The following LRRC74A variants were observed in gnomAD, a reference collection of about 807,000 sequenced individuals.
LRRC74A encodes leucine rich repeat containing 74A.
LRRC74A carries 44 observed loss-of-function variants against 57.9 expected under a neutral mutation model. The observed-to-expected ratio is 0.76, with a 90% CI of 0.60 to 0.98. The LOEUF is 0.98. Among genes scored for constraint, LRRC74A ranks in the 50% least tolerant of loss-of-function variants. The pLI is 0.00. For synonymous variants in LRRC74A, 211 were observed against 219.4 expected (o/e 0.96, Z 0.34); for missense variants, 572 against 574.0 (o/e 1.00, Z 0.04).
intron 11 of LRRC74A, among the ~76,000 whole-genome samples, chr14:76,864,379 C>A (rs529555323): frequency 1.8e-5 from 2 of 109,710 alleles, no homozygotes; most frequent in Admixed American, 1.3e-4. Flanking sequence ...TACAGTAGGA[C>A]GCTGTCTGGG....
intron 8 of LRRC74A, 128 bp downstream of exon 8, chr14:76,852,578 T>G (rs1352513582): frequency 1.7e-6 from 1 of 590,282 alleles, no homozygotes; most frequent in Non-Finnish European, 2.8e-6. Context: ...CATCAAATAC[T>G]TTTCAAGTTA....
At chr14:76,854,551 A>T (rs1897749509) in intron 9 of LRRC74A, among the ~76,000 whole-genome samples, 1 of 152,152 alleles carries the variant, frequency 6.6e-6, no homozygotes, top group Non-Finnish European at 1.5e-5. Context: ...GGTTGCAGTG[A>T]GCCGAGACCA....
chr14:76,843,622 T>C (rs1228971056), intron 5 of LRRC74A, among the ~76,000 whole-genome samples: 1 of 152,178 alleles, frequency 6.6e-6, no homozygotes, highest in East Asian at 1.9e-4. Flanking sequence ...GGGTAAACAG[T>C]TGCCTTGTTC....
intron 7 of LRRC74A, among the ~76,000 whole-genome samples, chr14:76,849,148 C>T (rs1016717993): frequency 6.6e-6 from 1 of 152,058 alleles, no homozygotes; most frequent in East Asian, 1.9e-4. Flanking sequence ...ACAGACTGTG[C>T]TCTCTCTTTT....
At chr14:76,856,504 CTGGA>C (rs35536797) in intron 9 of LRRC74A, among the ~76,000 whole-genome samples, 65,669 of 145,336 alleles carry the variant, frequency 0.45, 15,039 homozygotes, top group Non-Finnish European at 0.49. Flanking sequence ...TTAATATGTG[CTGGA>C]TGGATGGATG....
At chr14:76,839,825 G>A (rs1896626712) in intron 5 of LRRC74A, among the ~76,000 whole-genome samples, 1 of 152,104 alleles carries the variant, frequency 6.6e-6, no homozygotes, top group East Asian at 1.9e-4. Flanking sequence ...CCGCCTCCCA[G>A]GTTCAAGCAA....
chr14:76,841,209 T>C (rs1896744581), intron 5 of LRRC74A, among the ~76,000 whole-genome samples: 1 of 152,064 alleles, frequency 6.6e-6, no homozygotes, highest in Non-Finnish European at 1.5e-5. Flanking sequence ...GCCCAGCTAA[T>C]TTTTGTATTT....
intron 4 of LRRC74A, among the ~76,000 whole-genome samples, chr14:76,836,782 A>C (rs1595351605): frequency 4.2e-5 from 4 of 94,234 alleles, no homozygotes; most frequent in Admixed American, 3.9e-4. Context: ...CAAGAATGAG[A>C]CTCCATCTCA....
intron 9 of LRRC74A, 46 bp from the exon 10 acceptor site, chr14:76,857,334 T>C: frequency 7.8e-7 from 1 of 1,274,336 alleles, no homozygotes; most frequent in Non-Finnish European, 1.1e-6. Context: ...TGGGCCAGCC[T>C]CTCCTCCCAT....
chr14:76,868,788 G>C (rs534656941), intron 13 of LRRC74A, among the ~76,000 whole-genome samples: 1 of 152,218 alleles, frequency 6.6e-6, no homozygotes, highest in East Asian at 1.9e-4. Context: ...GAGAAACCGC[G>C]ATGCAGACAA....
chr14:76,829,207 T>C (rs760363712), intron 2 of LRRC74A: 48 of 1,288,266 alleles, frequency 3.7e-5, no homozygotes, highest in Non-Finnish European at 4.9e-5. Flanking sequence ...CAGTCACCCT[T>C]CCTCCCCTGC....
At chr14:76,846,029 C>G (rs191030730) in intron 7 of LRRC74A, among the ~76,000 whole-genome samples, 1 of 152,232 alleles carries the variant, frequency 6.6e-6, no homozygotes, top group East Asian at 1.9e-4. Flanking sequence ...AAAACAAAAA[C>G]AAAGACAGGC....
intron 7 of LRRC74A, among the ~76,000 whole-genome samples, chr14:76,851,105 T>G (rs1212318228): frequency 6.6e-6 from 1 of 152,242 alleles, no homozygotes; most frequent in African/African-American, 2.4e-5. Context: ...AACAAAAGTA[T>G]GATTTCTGTG....
chr14:76,828,440 G>A (rs762054237), intron 2 of LRRC74A, 21 bp downstream of exon 2: 1 of 1,613,696 alleles, frequency 6.2e-7, no homozygotes, highest in Non-Finnish European at 8.5e-7. Context: ...GCATTTGGGG[G>A]CAGTCAGGGC....
chr14:76,828,650 T>A (rs1340774119), intron 2 of LRRC74A: 2 of 668,362 alleles, frequency 3.0e-6, no homozygotes, highest in Non-Finnish European at 5.4e-6. Flanking sequence ...AGCAGTGCCC[T>A]CACGTCGTCT....
At chr14:76,833,268 A>G (rs1896092308) in intron 3 of LRRC74A, among the ~76,000 whole-genome samples, 2 of 152,114 alleles carry the variant, frequency 1.3e-5, no homozygotes, top group Admixed American at 1.3e-4. Context: ...GTTATGAAAT[A>G]CATGGCAAGC....
At chr14:76,838,858 C>T (rs1896554220) in intron 5 of LRRC74A, among the ~76,000 whole-genome samples, 1 of 152,222 alleles carries the variant, frequency 6.6e-6, no homozygotes, top group African/African-American at 2.4e-5. Flanking sequence ...GCCTCAGCCT[C>T]CCAAAGTGGT....
chr14:76,838,440 T>A (rs895288763), intron 5 of LRRC74A, among the ~76,000 whole-genome samples: 12 of 152,214 alleles, frequency 7.9e-5, no homozygotes, highest in Non-Finnish European at 1.5e-5. Context: ...GGCACATTAG[T>A]TACAGGTGAA....
Position 76,828,428 on chromosome 14 carries a change from G to A in LRRC74A, c.166+9G>A. On this transcript the variant is annotated intron_variant, in intron 2 of 13. Transcript: ENST00000689127. ...AGACCTGGAGATTGAAGGCGAGCAT[G>A]GGCATTTGGGGGCAGTCAGGGCAGC... 1 of 1,613,858 alleles carries A rather than the reference G, an allele frequency of 6.2e-7. No homozygotes were observed. Among genetic ancestry groups the A allele is most frequent in the Non-Finnish European group, 8.5e-7 (1 of 1,179,798 alleles).
Sources: gnomAD v4.1 joint callset for allele counts (sites outside exome capture counted in the v4.1 genomes callset) on GRCh38, gnomAD v4.1.1 for gene constraint, MANE v1.5 for transcripts, NCBI Gene and HGNC (gene_info 2026-07-23, HGNC 2026-07-21) for gene names.